The following VIT variants were observed in gnomAD, a reference collection of about 807,000 sequenced individuals.
VIT encodes vitrin.
A neutral mutation model predicts 78.0 loss-of-function variants in VIT; 99 were observed. The observed-to-expected ratio is 1.27, with a 90% confidence interval of 1.08 to 1.50. VIT has a LOEUF of 1.50. Among genes scored for constraint, VIT ranks in the 40% most tolerant of loss-of-function variants. The pLI is 0.00. For synonymous variants in VIT, 374 were observed against 334.3 expected (o/e 1.12, Z -1.29); for missense variants, 1,126 against 875.3 (o/e 1.29, Z -3.61).
At chr2:36,804,078 C>G (rs914735888) in intron 13 of VIT, among the ~76,000 whole-genome samples, 3 of 152,174 alleles carry the variant, frequency 2.0e-5, no homozygotes, top group Non-Finnish European at 4.4e-5. Flanking sequence ...CTAGTTGACT[C>G]TGAAAATTTC....
At chr2:36,811,712 G>T (rs1314839097) in intron 15 of VIT, among the ~76,000 whole-genome samples, 1 of 142,464 alleles carries the variant, frequency 7.0e-6, no homozygotes, top group East Asian at 2.0e-4. Context: ...CGCTCTGGTT[G>T]CCCAGGCTGG....
chr2:36,716,320 AAT>A (rs1413877824), intron 1 of VIT, 31 bp from the exon 2 acceptor site: 1 of 1,591,334 alleles, frequency 6.3e-7, no homozygotes, highest in Non-Finnish European at 8.6e-7. Flanking sequence ...CCCCGGCTGA[AAT>A]ATGATGACGT....
At chr2:36,793,704 A>G (rs1665660307) in intron 12 of VIT, among the ~76,000 whole-genome samples, 1 of 118,494 alleles carries the variant, frequency 8.4e-6, no homozygotes, top group African/African-American at 2.9e-5. Flanking sequence ...CCTTAAGTTG[A>G]TGGCTTGTTT....
intron 3 of VIT, among the ~76,000 whole-genome samples, chr2:36,740,932 C>T (rs1667798204): frequency 6.6e-6 from 1 of 152,168 alleles, no homozygotes; most frequent in South Asian, 2.1e-4. Flanking sequence ...GATAGAGACT[C>T]GTTTACACAA....
At chr2:36,750,984 G>C (rs1483930745) in intron 4 of VIT, among the ~76,000 whole-genome samples, 2 of 152,164 alleles carry the variant, frequency 1.3e-5, no homozygotes, top group African/African-American at 4.8e-5. Flanking sequence ...TTAGGGCTAC[G>C]CGTGGTGGCT....
At chr2:36,803,683 C>A (rs753125055) in intron 13 of VIT, among the ~76,000 whole-genome samples, 1 of 152,156 alleles carries the variant, frequency 6.6e-6, no homozygotes, top group Non-Finnish European at 1.5e-5. Context: ...TATATGTAAC[C>A]ATTTGATGCT....
intron 12 of VIT, among the ~76,000 whole-genome samples, chr2:36,791,308 C>G (rs1321320839): frequency 6.6e-6 from 1 of 152,174 alleles, no homozygotes; most frequent in African/African-American, 2.4e-5. Context: ...TTCAGCTGGG[C>G]AGAGCAGCTT....
chr2:36,726,251 G>A (rs890867635), intron 2 of VIT, among the ~76,000 whole-genome samples: 4 of 152,074 alleles, frequency 2.6e-5, no homozygotes, highest in Non-Finnish European at 5.9e-5. Context: ...TCCATATAGT[G>A]CAATACTTTG....
At chr2:36,801,535 T>C in intron 13 of VIT, 131 bp downstream of exon 13, 3 of 831,420 alleles carry the variant, frequency 3.6e-6, no homozygotes, top group Non-Finnish European at 5.6e-6. Context: ...TGGTCGGGCG[T>C]GGTGGTTCAC....
intron 12 of VIT, among the ~76,000 whole-genome samples, chr2:36,787,505 T>C (rs946037941): frequency 3.3e-5 from 5 of 152,236 alleles, no homozygotes; most frequent in African/African-American, 9.6e-5. Flanking sequence ...TGTAAGTAGA[T>C]GGCATTTGCA....
chr2:36,775,292 A>G (rs1462568907), intron 9 of VIT, among the ~76,000 whole-genome samples: 1 of 152,182 alleles, frequency 6.6e-6, no homozygotes, highest in Non-Finnish European at 1.5e-5. Context: ...AAGACATCCA[A>G]GGGCTGTCAT....
At chr2:36,749,113 T>G (rs1336195928) in intron 4 of VIT, among the ~76,000 whole-genome samples, 1 of 152,194 alleles carries the variant, frequency 6.6e-6, no homozygotes, top group African/African-American at 2.4e-5. Flanking sequence ...GGAAGAGAAT[T>G]GTACTCTTTC....
chr2:36,698,586 G>A (rs577855096), intron 1 of VIT, among the ~76,000 whole-genome samples: 44 of 152,236 alleles, frequency 2.9e-4, no homozygotes, highest in African/African-American at 1.0e-3. Flanking sequence ...CTCCCAGGGC[G>A]GCCACAAGGG....
chr2:36,728,389 A>C (rs1376963672), intron 2 of VIT, among the ~76,000 whole-genome samples: 1 of 152,206 alleles, frequency 6.6e-6, no homozygotes, highest in African/African-American at 2.4e-5. Flanking sequence ...AAGGAAAGAC[A>C]ATATTTTTGT....
At chr2:36,711,925 T>C (rs1665826718) in intron 1 of VIT, among the ~76,000 whole-genome samples, 1 of 152,250 alleles carries the variant, frequency 6.6e-6, no homozygotes, top group South Asian at 2.1e-4. Context: ...CTTTATGTTA[T>C]ATCTCATGGC....
intron 2 of VIT, among the ~76,000 whole-genome samples, chr2:36,727,225 C>G (rs1385804690): frequency 6.6e-6 from 1 of 152,272 alleles, no homozygotes; most frequent in South Asian, 2.1e-4. Flanking sequence ...CTTTCCCAGA[C>G]AGCCTCTCTT....
chr2:36,741,111 G>C (rs921232550), intron 3 of VIT, among the ~76,000 whole-genome samples: 1 of 152,178 alleles, frequency 6.6e-6, no homozygotes, highest in East Asian at 1.9e-4. Context: ...ATGCATTTGG[G>C]AGTGAGGAAG....
At chr2:36,731,777 G>T (rs552065088) in intron 3 of VIT, among the ~76,000 whole-genome samples, 1 of 152,126 alleles carries the variant, frequency 6.6e-6, no homozygotes, top group Non-Finnish European at 1.5e-5. Flanking sequence ...TGTTTATAAA[G>T]AACCATAAAA....
chr2:36,797,320 C>T (rs1002184825), intron 12 of VIT, among the ~76,000 whole-genome samples: 11 of 152,156 alleles, frequency 7.2e-5, no homozygotes, highest in Admixed American at 1.3e-4. Flanking sequence ...GATAAAACAT[C>T]CACTGCAGAA....
Sources: gnomAD v4.1 joint callset for allele counts (sites outside exome capture counted in the v4.1 genomes callset) on GRCh38, gnomAD v4.1.1 for gene constraint, MANE v1.5 for transcripts, NCBI Gene and HGNC (gene_info 2026-07-23, HGNC 2026-07-21) for gene names.